The following CLIP1 variants were observed in gnomAD, a reference collection of about 807,000 sequenced individuals.
CLIP1 encodes the protein CAP-Gly domain-containing linker protein 1.
In CLIP1, 66 loss-of-function variants were observed where a neutral mutation model predicts 161.6. That is an observed-to-expected ratio of 0.41 (90% CI 0.33 to 0.50). The LOEUF (loss-of-function observed/expected upper bound fraction) is 0.50. Ranked by LOEUF, CLIP1 falls within the 20% of genes least tolerant of loss-of-function variation. The probability of loss-of-function intolerance (pLI) is 0.27; values close to 1 mark genes in which losing one functional copy is unlikely to be tolerated. For missense variants in CLIP1, 1,376 were observed against 1,702.0 expected (o/e 0.81, Z 3.37); for synonymous variants, 598 against 626.2 (o/e 0.96, Z 0.67).
At chr12:122,345,156 G>A (rs550622630) in intron 10 of CLIP1, among the ~76,000 whole-genome samples, 1 of 151,032 alleles carries the variant, frequency 6.6e-6, no homozygotes, top group Non-Finnish European at 1.5e-5. Context: ...AGTTAATGAG[G>A]AAACAGCACC....
chr12:122,361,430 T>C (rs1953801042), intron 4 of CLIP1, among the ~76,000 whole-genome samples: 2 of 152,302 alleles, frequency 1.3e-5, no homozygotes, highest in Admixed American at 1.3e-4. Flanking sequence ...GCTGAGATTC[T>C]GCATAAAGGA....
At chr12:122,396,932 A>ATT (rs1364230360) in intron 1 of CLIP1, among the ~76,000 whole-genome samples, 9 of 98,212 alleles carry the variant, frequency 9.2e-5, no homozygotes, top group South Asian at 7.7e-4. Flanking sequence ...ACACCCGGCA[A>ATT]ATTTTTTTTT....
intron 3 of CLIP1, among the ~76,000 whole-genome samples, chr12:122,368,518 T>C (rs973425538): frequency 2.0e-5 from 3 of 152,342 alleles, no homozygotes; most frequent in South Asian, 2.1e-4. Context: ...AATCTCACAG[T>C]GCCTGAGTGC....
intron 1 of CLIP1, among the ~76,000 whole-genome samples, chr12:122,381,147 C>G (rs576502011): frequency 6.6e-6 from 1 of 151,770 alleles, no homozygotes; most frequent in Admixed American, 6.6e-5. Flanking sequence ...AAAACCCACA[C>G]AATCCATAAA....
At chr12:122,344,895 G>C (rs988382500) in intron 10 of CLIP1, among the ~76,000 whole-genome samples, 5 of 152,100 alleles carry the variant, frequency 3.3e-5, no homozygotes, top group African/African-American at 1.2e-4. Flanking sequence ...CCAAGAGTGA[G>C]GATCAACAGA....
chr12:122,363,918 T>A, intron 4 of CLIP1, 65 bp downstream of exon 4: 1 of 1,607,272 alleles, frequency 6.2e-7, no homozygotes, highest in East Asian at 2.2e-5. Context: ...ACACGCTTGG[T>A]GAGACTGGCC....
chr12:122,319,676 C>T (rs759383203), intron 17 of CLIP1, among the ~76,000 whole-genome samples: 8 of 152,160 alleles, frequency 5.3e-5, no homozygotes, highest in Non-Finnish European at 8.8e-5. Flanking sequence ...TTTGAGAGAC[C>T]GTTCGGAGGT....
At chr12:122,366,236 A>G (rs1343023368) in intron 3 of CLIP1, among the ~76,000 whole-genome samples, 2 of 150,546 alleles carry the variant, frequency 1.3e-5, no homozygotes, top group East Asian at 2.0e-4. Flanking sequence ...GCACCCGGGA[A>G]GCGGAGGTTG....
intron 18 of CLIP1, among the ~76,000 whole-genome samples, chr12:122,317,894 T>C (rs1183352818): frequency 1.3e-5 from 2 of 152,222 alleles, no homozygotes; most frequent in South Asian, 2.1e-4. Flanking sequence ...GGATCTGTTA[T>C]AGAACGACAC....
chr12:122,405,483 A>C (rs1351354606), intron 1 of CLIP1, among the ~76,000 whole-genome samples: 1 of 152,178 alleles, frequency 6.6e-6, no homozygotes, highest in African/African-American at 2.4e-5. Flanking sequence ...TAAAATTAAC[A>C]CAAAGATTAA....
intron 19 of CLIP1, among the ~76,000 whole-genome samples, chr12:122,313,104 T>C (rs117473827): frequency 0.014 from 2,137 of 152,306 alleles, 23 homozygotes; most frequent in South Asian, 0.033. Context: ...CCAGCTTCCA[T>C]GGAACGCTAC....
chr12:122,390,241 CATAT>C (rs1270298293), intron 1 of CLIP1, among the ~76,000 whole-genome samples: 3 of 112,500 alleles, frequency 2.7e-5, no homozygotes, highest in East Asian at 7.7e-4. Flanking sequence ...TATACACACA[CATAT>C]ATATACACAT....
At position 122,392,108 on chromosome 12, in the gene CLIP1, C is replaced by CA. The variant is rs1233558235; in HGVS notation, c.-106-11551dup. Among the ~76,000 whole-genome samples the CA allele has an allele frequency of 2.0e-5, 3 of 151,932 alleles. 1 individual carries two copies. The highest frequency in any genetic ancestry group is 2.9e-5 in the Non-Finnish European group (2 of 67,974). ...CAACACAGTGAGACCCCCATCTCTA[C>CA]AAAAAAATACAAATTAACTGTGTGT... is the stretch of plus-strand genomic sequence containing the variant. On this transcript the variant is annotated intron_variant, in intron 1 of 25. Transcript: ENST00000620786.
At chr12:122,357,177 C>A (rs1953448331) in intron 5 of CLIP1, among the ~76,000 whole-genome samples, 1 of 151,602 alleles carries the variant, frequency 6.6e-6, no homozygotes. Flanking sequence ...GGCCGCCGTC[C>A]CATCTAGGAA....
chr12:122,332,966 C>T, intron 15 of CLIP1, 21 bp downstream of exon 15: 1 of 1,607,062 alleles, frequency 6.2e-7, no homozygotes, highest in Non-Finnish European at 8.5e-7. Flanking sequence ...GGTCAGCACT[C>T]TTTTCAACAG....
chr12:122,375,105 C>G (rs1488046602), intron 3 of CLIP1, among the ~76,000 whole-genome samples: 1 of 151,994 alleles, frequency 6.6e-6, no homozygotes, highest in Non-Finnish European at 1.5e-5. Context: ...CACTGAGGTC[C>G]CAAAGGCAAA....
At position 122,323,940 on chromosome 12, in the gene CLIP1, T is replaced by C. The variant is rs1951614640; in HGVS notation, c.3249+4007A>G. The C allele has an allele frequency of 1.3e-5, 2 of 152,658 alleles. No individual in the cohort carries two copies. The highest frequency in any genetic ancestry group is 2.9e-5 in the Non-Finnish European group (2 of 68,050). The allele number at this position is 152,658 out of a possible 1,614,324, so 9.5% of individuals were successfully genotyped here. On this transcript the variant is annotated intron_variant, in intron 17 of 25. Coordinates refer to ENST00000620786, the MANE Select transcript of CLIP1 (RefSeq NM_001247997.2). This position sits in a 1 kb window ranked among gnomAD's most constrained non-coding sequence, Gnocchi z 4.1. ...TCCTTCTCAGTCTTAGCAATCAAAG[T>C]ATCTTTGCTGAGCTGGAGCTCTTCA... is the stretch of plus-strand genomic sequence containing the variant.
rs763778493 is a variant in CLIP1 at position 122,334,631 on chromosome 12, G to A, written c.2626+17C>T. 1.9e-4 allele frequency: 290 copies of A among 1,553,160 alleles called. No individual in the cohort carries two copies. The highest frequency in any genetic ancestry group is 2.3e-4 in the Non-Finnish European group (263 of 1,137,676). On this transcript the variant is annotated intron_variant, in intron 13 of 25. Transcript: ENST00000620786. The stretch of plus-strand genomic sequence containing the variant: ...ATATTTTTTAAAGCAATCTGCACAC[G>A]CTCTGGTAAGACATACCTTGCATAC...
At chr12:122,350,803 T>C (rs1283506982) in intron 9 of CLIP1, among the ~76,000 whole-genome samples, 1 of 151,540 alleles carries the variant, frequency 6.6e-6, no homozygotes, top group African/African-American at 2.4e-5. Context: ...TAGAAGACAT[T>C]ATGAATTAGG....
Sources: allele counts gnomAD v4.1 joint callset (sites outside exome capture counted in the v4.1 genomes callset), GRCh38; gene constraint gnomAD v4.1.1; non-coding constraint Gnocchi (gnomAD v3.1); transcripts MANE v1.5; gene names NCBI Gene and HGNC (gene_info 2026-07-23, HGNC 2026-07-21).